Variants in KIRREL3 observed in about 807,000 individuals in gnomAD.
KIRREL3 encodes kirre like nephrin family adhesion molecule 3.
In KIRREL3, 36 loss-of-function variants were observed where a neutral mutation model predicts 89.7. That is an observed-to-expected ratio of 0.40 (90% CI 0.31 to 0.53). The LOEUF is 0.53. KIRREL3 is among the 20% of genes least tolerant of loss of function. The pLI is 0.49. For missense variants in KIRREL3, 864 were observed against 1,056.6 expected, an observed-to-expected ratio of 0.82 and a Z score of 2.53; for synonymous variants, 445 against 441.4, an observed-to-expected ratio of 1.01 and a Z score of -0.10.
chr11:126,650,255 T>C (rs1944859567), intron 1 of KIRREL3, among the ~76,000 whole-genome samples: 1 of 152,248 alleles, frequency 6.6e-6, no homozygotes, highest in African/African-American at 2.4e-5. Flanking sequence ...ATTTTCTCCA[T>C]CATCGTGGGG....
chr11:126,565,572 A>G lies in KIRREL3; in HGVS notation c.56-2660T>C, dbSNP rs1055069617. Among the ~76,000 whole-genome samples the G allele has an allele frequency of 1.3e-5, 2 of 152,210 alleles. No individual in the cohort carries two copies. The highest frequency in any genetic ancestry group is 2.4e-5 in the African/African-American group (1 of 41,446). On this transcript the variant is annotated intron_variant, in intron 1 of 16. Coordinates refer to ENST00000525144, the MANE Select transcript of KIRREL3 (RefSeq NM_032531.4). The surrounding 1 kb of genome is among the most constrained non-coding windows in gnomAD (Gnocchi z 5.4). ...TAAGTGCGAGGGCTCTCTGACTGAG[A>G]CTTTGTAGAGAAGTGGGGAGAAGCT...
intron 1 of KIRREL3, among the ~76,000 whole-genome samples, chr11:126,902,689 AC>A (rs1949968845): frequency 1.3e-5 from 2 of 152,216 alleles, no homozygotes; most frequent in African/African-American, 4.8e-5. Flanking sequence ...GAGAAAACCT[AC>A]AAAGTATGTT....
At chr11:126,813,451 T>G (rs2134430434) in intron 1 of KIRREL3, among the ~76,000 whole-genome samples, 1 of 152,312 alleles carries the variant, frequency 6.6e-6, no homozygotes, top group South Asian at 2.1e-4. Context: ...CAAGATGATA[T>G]TTTTGGTTAA....
Position 126,954,146 on chromosome 11 carries a change from G to T in KIRREL3, c.55+46309C>A, listed in dbSNP as rs1383650050. Among the ~76,000 whole-genome samples the T allele has an allele frequency of 6.6e-6, 1 of 151,896 alleles. No homozygotes were observed. The highest frequency in any genetic ancestry group is 1.5e-5 in the Non-Finnish European group (1 of 67,998). ...TGAGATTTCCAAATGAGTGAGGTGGGGGGTGGTATTGAGGTATTGAGGTCA... is the reference window on the plus strand; with the variant it reads ...TGAGATTTCCAAATGAGTGAGGTGGTGGGTGGTATTGAGGTATTGAGGTCA... On this transcript the variant is annotated intron_variant, in intron 1 of 16. Coordinates refer to ENST00000525144, the MANE Select transcript of KIRREL3 (RefSeq NM_032531.4). This position sits in a 1 kb window ranked among gnomAD's most constrained non-coding sequence, Gnocchi z 4.1.
chr11:126,936,593 A>G (rs1417241912), intron 1 of KIRREL3: 2 of 151,878 alleles, frequency 1.3e-5, no homozygotes, highest in Non-Finnish European at 2.9e-5. Flanking sequence ...TTGAATGCAT[A>G]TTGATGCATG....
At chr11:126,818,110 C>A (rs10732866) in intron 1 of KIRREL3, among the ~76,000 whole-genome samples, 131,490 of 152,270 alleles carry the variant, frequency 0.86, 57,123 homozygotes, top group East Asian at 1. Flanking sequence ...GGGGCAAGAG[C>A]ATCTGTCAAA....
chr11:126,861,529 G>A (rs1422284138), intron 1 of KIRREL3, among the ~76,000 whole-genome samples: 1 of 152,190 alleles, frequency 6.6e-6, no homozygotes, highest in Non-Finnish European at 1.5e-5. Flanking sequence ...TTTGGGAGGT[G>A]GAGTTCACAG....
In KIRREL3 at chr11:126,858,037, T is replaced by G. The variant is rs142446280; in HGVS notation, c.55+142418A>C. Among the ~76,000 whole-genome samples the G allele has an allele frequency of 3.5e-4, 54 of 152,236 alleles. No individual in the cohort carries two copies. The East Asian group carries it at 0.01, about 29-fold the overall frequency. On this transcript the variant is annotated intron_variant, in intron 1 of 16. Transcript: ENST00000525144. ...TTTAACATGCTGGCACCCAGCCAGG[T>G]CCCCACTTACCGTGTGAACTGCCTC...
At position 126,694,337 on chromosome 11, in the gene KIRREL3, T is replaced by C. The variant is rs778112876; in HGVS notation, c.56-131425A>G. On this transcript the variant is annotated intron_variant, in intron 1 of 16. Coordinates refer to ENST00000525144, the MANE Select transcript of KIRREL3 (RefSeq NM_032531.4). The surrounding 1 kb of genome is among the most constrained non-coding windows in gnomAD (Gnocchi z 4.4). Reference sequence around the variant, plus strand: ...ATTTAAAGTGAATTGCACTTTTCCATTGTATCCTAGTGAGCGTGCACCGGA... The same window carrying C: ...ATTTAAAGTGAATTGCACTTTTCCACTGTATCCTAGTGAGCGTGCACCGGA... 6.6e-6 allele frequency among the ~76,000 whole-genome samples: 1 copy of C among 152,238 alleles called. No homozygotes were observed. Among genetic ancestry groups the C allele is most frequent in the African/African-American group, 2.4e-5 (1 of 41,466 alleles).
chr11:126,467,374 T>C (rs1956761227), intron 5 of KIRREL3, among the ~76,000 whole-genome samples: 1 of 152,188 alleles, frequency 6.6e-6, no homozygotes, highest in Non-Finnish European at 1.5e-5. Flanking sequence ...GTTTTCCTGC[T>C]TGGGTGGCAG....
rs1944503890 is a variant in KIRREL3, at chr11:126,642,363, G to A, written c.56-79451C>T. On this transcript the variant is annotated intron_variant, in intron 1 of 16. Transcript: ENST00000525144. The surrounding 1 kb of genome is among the most constrained non-coding windows in gnomAD (Gnocchi z 4.9). ...GCCCACACTAGGCAATGCCTTCCTG[G>A]GAGATAACATTGCATTTATTCCAGG... Among the ~76,000 whole-genome samples the A allele has an allele frequency of 6.6e-6, 1 of 152,176 alleles. No homozygotes were observed. The highest frequency in any genetic ancestry group is 2.4e-5 in the African/African-American group (1 of 41,428).
At chr11:126,457,945 C>T (rs1956426049) in intron 6 of KIRREL3, among the ~76,000 whole-genome samples, 1 of 152,178 alleles carries the variant, frequency 6.6e-6, no homozygotes, top group Admixed American at 6.5e-5. Context: ...CTGCCCAGCT[C>T]AGGGGCAGCT....
chr11:126,451,387 TGTGAAC>T (rs1365040031), intron 7 of KIRREL3, among the ~76,000 whole-genome samples: 31 of 118,614 alleles, frequency 2.6e-4, no homozygotes, highest in African/African-American at 8.6e-4. Context: ...CGTGTGCATG[TGTGAAC>T]GTGTGCATGT....
At position 126,601,602 on chromosome 11, in the gene KIRREL3, G is replaced by T. The variant is rs190220782; in HGVS notation, c.56-38690C>A. ...CAGAAGTCTTCTACCTCAACACTCC[G>T]CCAGGTTTTCTCCTTATGGCACCTG... On this transcript the variant is annotated intron_variant, in intron 1 of 16. Transcript: ENST00000525144. This position sits in a 1 kb window ranked among gnomAD's most constrained non-coding sequence, Gnocchi z 5.8. Among the ~76,000 whole-genome samples, 1 of 152,102 alleles carries T rather than the reference G, an allele frequency of 6.6e-6. No individual in the cohort carries two copies. The highest frequency in any genetic ancestry group is 2.4e-5 in the African/African-American group (1 of 41,410).
intron 1 of KIRREL3, among the ~76,000 whole-genome samples, chr11:126,845,887 C>A (rs558732030): frequency 6.6e-6 from 1 of 152,114 alleles, no homozygotes; most frequent in Non-Finnish European, 1.5e-5. Context: ...CAGGCTCCAA[C>A]GGCCTGTAGT....
chr11:126,825,519 A>T (rs773819297), intron 1 of KIRREL3, among the ~76,000 whole-genome samples: 2 of 152,222 alleles, frequency 1.3e-5, no homozygotes, highest in Non-Finnish European at 2.9e-5. Context: ...TAACATTTTG[A>T]GATTTCTGCA....
Position 126,996,954 on chromosome 11 carries a change from T to G in KIRREL3, c.55+3501A>C, listed in dbSNP as rs897593159. Among the ~76,000 whole-genome samples, 6 of 152,104 alleles carry G rather than the reference T, an allele frequency of 3.9e-5. No homozygotes were observed. The highest frequency in any genetic ancestry group is 3.9e-4 in the Admixed American group (6 of 15,288). On this transcript the variant is annotated intron_variant, in intron 1 of 16. Coordinates refer to ENST00000525144, the MANE Select transcript of KIRREL3 (RefSeq NM_032531.4). The surrounding 1 kb of genome is among the most constrained non-coding windows in gnomAD (Gnocchi z 4.7). ...CCAGAGAGTAGGGAAGAGACCACCT[T>G]TCTTAAGAGCGAGTGTCTGGAGTAG...
Position 126,872,864 on chromosome 11 carries a change from C to T in KIRREL3, c.55+127591G>A, listed in dbSNP as rs983097914. Among the ~76,000 whole-genome samples the T allele has an allele frequency of 3.3e-5, 5 of 152,176 alleles. No individual in the cohort carries two copies. Among genetic ancestry groups the T allele is most frequent in the Non-Finnish European group, 4.4e-5 (3 of 68,036 alleles). On this transcript the variant is annotated intron_variant, in intron 1 of 16. Coordinates refer to ENST00000525144, the MANE Select transcript of KIRREL3 (RefSeq NM_032531.4). The surrounding 1 kb of genome is among the most constrained non-coding windows in gnomAD (Gnocchi z 4.2). Reference sequence around the variant, plus strand: ...AGGTAGCCCAGCTCTGGGAGCAGGCCTCCTGGGCATCTAAGTGACGGCCAC... The same window carrying T: ...AGGTAGCCCAGCTCTGGGAGCAGGCTTCCTGGGCATCTAAGTGACGGCCAC...
chr11:126,559,579 G>T (rs1349103486), intron 2 of KIRREL3, among the ~76,000 whole-genome samples: 1 of 152,168 alleles, frequency 6.6e-6, no homozygotes, highest in Non-Finnish European at 1.5e-5. Context: ...TGTAATTTAG[G>T]TAGATGGAAG....
Sources: allele counts gnomAD v4.1 joint callset (sites outside exome capture counted in the v4.1 genomes callset), GRCh38; gene constraint gnomAD v4.1.1; non-coding constraint Gnocchi (gnomAD v3.1); transcripts MANE v1.5; gene names NCBI Gene and HGNC (gene_info 2026-07-23, HGNC 2026-07-21).